Variants in MAPKAP1 observed in about 807,000 individuals in gnomAD.
The protein encoded by MAPKAP1 is target of rapamycin complex 2 subunit MAPKAP1.
Under a neutral mutation model 65.7 loss-of-function variants are expected in MAPKAP1, and 20 were observed. The observed-to-expected ratio is 0.30, with a 90% CI of 0.21 to 0.44. The LOEUF (loss-of-function observed/expected upper bound fraction) is 0.44, where lower values mean the gene tolerates loss of function less well. MAPKAP1 is among the 20% of genes least tolerant of loss of function. The pLI is 1.00. For synonymous variants in MAPKAP1, 222 were observed against 244.3 expected (o/e 0.91, Z 0.85); for missense variants, 423 against 648.0 (o/e 0.65, Z 3.77).
intron 7 of MAPKAP1, among the ~76,000 whole-genome samples, chr9:125,524,528 A>G (rs1273404908): frequency 6.6e-6 from 1 of 152,264 alleles, no homozygotes; most frequent in Non-Finnish European, 1.5e-5. Flanking sequence ...TTTTAAGCCA[A>G]TTGTGACTTA....
intron 4 of MAPKAP1, among the ~76,000 whole-genome samples, chr9:125,604,314 T>C (rs1832385506): frequency 1.3e-5 from 2 of 152,384 alleles, no homozygotes; most frequent in Admixed American, 1.3e-4. Flanking sequence ...ATGTCTGCCT[T>C]GCACAGCACC....
At chr9:125,554,399 G>C (rs1830674207) in intron 6 of MAPKAP1, among the ~76,000 whole-genome samples, 1 of 152,172 alleles carries the variant, frequency 6.6e-6, no homozygotes, top group Non-Finnish European at 1.5e-5. Context: ...GAGCATCAGG[G>C]AGTGCTCATA....
intron 7 of MAPKAP1, among the ~76,000 whole-genome samples, chr9:125,513,989 A>C (rs1370525980): frequency 6.6e-6 from 1 of 152,196 alleles, no homozygotes; most frequent in Non-Finnish European, 1.5e-5. Flanking sequence ...TGACGAGTAA[A>C]TGTCAGAACC....
At chr9:125,604,392 T>C (rs1832387663) in intron 4 of MAPKAP1, among the ~76,000 whole-genome samples, 1 of 152,238 alleles carries the variant, frequency 6.6e-6, no homozygotes, top group Non-Finnish European at 1.5e-5. Flanking sequence ...TTATGAGAAA[T>C]GCTTTATCTG....
intron 7 of MAPKAP1, among the ~76,000 whole-genome samples, chr9:125,524,123 C>G (rs1299003167): frequency 6.6e-6 from 1 of 152,178 alleles, no homozygotes; most frequent in Non-Finnish European, 1.5e-5. Context: ...TTAGGTTGCC[C>G]TAAATACACT....
At chr9:125,677,423 C>CAGTCACTTATGCCTGT (rs1400651545) in intron 1 of MAPKAP1, among the ~76,000 whole-genome samples, 9 of 151,786 alleles carry the variant, frequency 5.9e-5, no homozygotes, top group Admixed American at 5.3e-4. Context: ...AGGCCCGGTA[C>CAGTCACTTATGCCTGT]AGTCACTTAT....
intron 4 of MAPKAP1, among the ~76,000 whole-genome samples, chr9:125,636,109 T>C (rs753602679): frequency 2.0e-5 from 3 of 152,172 alleles, no homozygotes; most frequent in Admixed American, 1.3e-4. Flanking sequence ...ACATTCCCTA[T>C]TCCCAAGTCT....
intron 3 of MAPKAP1, among the ~76,000 whole-genome samples, chr9:125,662,552 G>A (rs1036808688): frequency 2.0e-5 from 3 of 151,860 alleles, no homozygotes; most frequent in South Asian, 2.1e-4. Context: ...GTGTGGTGGC[G>A]GGCACCCGTA....
rs191947827 is a variant in MAPKAP1 at position 125,574,087 on chromosome 9, A to G, written c.671+11468T>C. On this transcript the variant is annotated intron_variant, in intron 5 of 11. Transcript: ENST00000265960. Reference sequence around the variant, plus strand: ...TTGAATGCATGAATGAATAGAAATGATAAGTGAAATGAGCCAGTTACAAAG... The same window carrying G: ...TTGAATGCATGAATGAATAGAAATGGTAAGTGAAATGAGCCAGTTACAAAG... 1.3e-4 allele frequency among the ~76,000 whole-genome samples: 20 copies of G among 152,352 alleles called. No individual in the cohort carries two copies. The East Asian group carries it at 3.9e-3, about 29-fold the overall frequency.
At position 125,648,967 on chromosome 9, in the gene MAPKAP1, A is replaced by G. The variant is rs567812684; in HGVS notation, c.498+8684T>C. 3.3e-5 allele frequency among the ~76,000 whole-genome samples: 5 copies of G among 152,226 alleles called. No homozygotes were observed. In the East Asian group the frequency reaches 9.6e-4, roughly 29 times the overall value. On this transcript the variant is annotated intron_variant, in intron 4 of 11. Coordinates refer to ENST00000265960, the MANE Select transcript of MAPKAP1 (RefSeq NM_001006617.3). ...AAAAAAGAAAAGAAAATAAGAAAAT[A>G]AGAATCTCTGAGAATTAGAACACTT... is the stretch of plus-strand genomic sequence containing the variant.
At chr9:125,457,484 T>C (rs565885994) in intron 10 of MAPKAP1, among the ~76,000 whole-genome samples, 1 of 152,376 alleles carries the variant, frequency 6.6e-6, no homozygotes, top group East Asian at 1.9e-4. Context: ...TATTGATTGA[T>C]TGTTTCCTTG....
intron 7 of MAPKAP1, among the ~76,000 whole-genome samples, chr9:125,539,099 C>T (rs1233235113): frequency 6.6e-6 from 1 of 152,192 alleles, no homozygotes; most frequent in Non-Finnish European, 1.5e-5. Flanking sequence ...CAATAAGGTG[C>T]TCTGTAATTC....
At chr9:125,670,336 A>G (rs1588057794) in intron 2 of MAPKAP1, among the ~76,000 whole-genome samples, 1 of 152,190 alleles carries the variant, frequency 6.6e-6, no homozygotes, top group Non-Finnish European at 1.5e-5. Context: ...AAATGAACTC[A>G]GACTAGACTA....
At chr9:125,558,330 C>A (rs1338581656) in intron 6 of MAPKAP1, among the ~76,000 whole-genome samples, 1 of 152,028 alleles carries the variant, frequency 6.6e-6, no homozygotes, top group Non-Finnish European at 1.5e-5. Context: ...TATTTTAGTA[C>A]CTCTGAAATG....
chr9:125,583,213 C>T (rs969061809), intron 5 of MAPKAP1, among the ~76,000 whole-genome samples: 3 of 152,046 alleles, frequency 2.0e-5, no homozygotes, highest in Non-Finnish European at 4.4e-5. Context: ...CATGCTTTTC[C>T]CTCTGTTGGA....
chr9:125,641,581 T>C (rs902833038), intron 4 of MAPKAP1, among the ~76,000 whole-genome samples: 14 of 152,102 alleles, frequency 9.2e-5, no homozygotes, highest in African/African-American at 3.4e-4. Context: ...AATACATTCA[T>C]GTTAGGGAGA....
intron 1 of MAPKAP1, among the ~76,000 whole-genome samples, chr9:125,694,693 A>G (rs1835331873): frequency 6.6e-6 from 1 of 152,200 alleles, no homozygotes; most frequent in Admixed American, 6.5e-5. Flanking sequence ...GAAATACTTC[A>G]AATTCCATAA....
intron 7 of MAPKAP1, among the ~76,000 whole-genome samples, chr9:125,523,737 T>C (rs1252866663): frequency 1.3e-5 from 2 of 152,236 alleles, no homozygotes; most frequent in African/African-American, 2.4e-5. Flanking sequence ...TACTCACCTG[T>C]TGCCTTTGTG....
At chr9:125,589,209 A>G (rs952154416) in intron 4 of MAPKAP1, among the ~76,000 whole-genome samples, 2 of 152,148 alleles carry the variant, frequency 1.3e-5, no homozygotes, top group African/African-American at 4.8e-5. Context: ...CTCAGCTGTC[A>G]CTGTTAACAC....
Sources: allele counts gnomAD v4.1 joint callset (sites outside exome capture counted in the v4.1 genomes callset), GRCh38; gene constraint gnomAD v4.1.1; transcripts MANE v1.5; gene names NCBI Gene and HGNC (gene_info 2026-07-23, HGNC 2026-07-21).